The following ZNF827 variants were observed in gnomAD, a reference collection of about 807,000 sequenced individuals.
ZNF827 encodes the protein zinc finger protein 827.
A neutral mutation model predicts 102.4 loss-of-function variants in ZNF827; 13 were observed. That is an observed-to-expected ratio of 0.13 (90% CI 0.08 to 0.20). The LOEUF (loss-of-function observed/expected upper bound fraction) is 0.20. Ranked by LOEUF, ZNF827 falls within the 10% of genes least tolerant of loss-of-function variation. The pLI, the probability that ZNF827 is intolerant of heterozygous loss-of-function variation, is 1.00. For missense variants in ZNF827, 1,103 were observed against 1,344.4 expected (o/e 0.82, Z 2.81); for synonymous variants, 523 against 536.2 (o/e 0.98, Z 0.34).
chr4:145,886,202 T>C (rs369133162), intron 3 of ZNF827, 44 bp from the exon 4 acceptor site: 42 of 1,540,206 alleles, frequency 2.7e-5, no homozygotes, highest in East Asian at 1.6e-4. Flanking sequence ...CGTGCATTTA[T>C]GGAAAATGCC....
intron 1 of ZNF827, among the ~76,000 whole-genome samples, chr4:145,922,191 T>C (rs1006369689): frequency 6.6e-6 from 1 of 152,210 alleles, no homozygotes; most frequent in African/African-American, 2.4e-5. Context: ...AAGACGCACA[T>C]GCACCAAGAT....
chr4:145,780,008 T>C (rs918325228), intron 8 of ZNF827, among the ~76,000 whole-genome samples: 7 of 152,140 alleles, frequency 4.6e-5, no homozygotes. Flanking sequence ...CTGGCCAACA[T>C]GGTGAAACCT....
chr4:145,875,875 A>C (rs570323136), intron 4 of ZNF827, among the ~76,000 whole-genome samples: 4 of 152,340 alleles, frequency 2.6e-5, no homozygotes, highest in African/African-American at 7.2e-5. Flanking sequence ...GGGTTCCAAC[A>C]AATGTTTGTT....
At chr4:145,903,302 T>C in intron 1 of ZNF827, 87 bp from the exon 2 acceptor site, 1 of 1,482,572 alleles carries the variant, frequency 6.7e-7, no homozygotes, top group South Asian at 1.4e-5. Flanking sequence ...ATGACATGCT[T>C]TCTCTTCCCT....
chr4:145,819,101 G>GT (rs1742887454), intron 8 of ZNF827, among the ~76,000 whole-genome samples: 1 of 150,758 alleles, frequency 6.6e-6, no homozygotes, highest in African/African-American at 2.4e-5. Flanking sequence ...AACCAACAAC[G>GT]TGAGTTTTTT....
chr4:145,792,594 T>TCACA (rs1018267415), intron 8 of ZNF827, among the ~76,000 whole-genome samples: 1 of 152,058 alleles, frequency 6.6e-6, no homozygotes, highest in Non-Finnish European at 1.5e-5. Flanking sequence ...AGTGGCATGG[T>TCACA]CACAGCTAAC....
chr4:145,764,811 G>C, intron 13 of ZNF827, 177 bp downstream of exon 13: 1 of 780,750 alleles, frequency 1.3e-6, no homozygotes, highest in Non-Finnish European at 2.1e-6. Flanking sequence ...TGACACCCTA[G>C]GGGGACAGGT....
chr4:145,850,940 G>C (rs1746467792), intron 5 of ZNF827, among the ~76,000 whole-genome samples: 1 of 152,158 alleles, frequency 6.6e-6, no homozygotes, highest in African/African-American at 2.4e-5. Context: ...ATCTCAAGAA[G>C]AAATCATCCT....
intron 1 of ZNF827, among the ~76,000 whole-genome samples, chr4:145,909,947 T>TA (rs1243323108): frequency 2.0e-5 from 3 of 152,104 alleles, no homozygotes; most frequent in Non-Finnish European, 4.4e-5. Flanking sequence ...AGATTACAGT[T>TA]ATCGAAACAC....
At chr4:145,783,213 T>C (rs1373695065) in intron 8 of ZNF827, among the ~76,000 whole-genome samples, 2 of 152,188 alleles carry the variant, frequency 1.3e-5, no homozygotes, top group Non-Finnish European at 2.9e-5. Context: ...ATTAGCACAA[T>C]CTCTGCTACA....
At chr4:145,772,114 TAAGGTTCAAGC>T (rs1280428649) in intron 11 of ZNF827, among the ~76,000 whole-genome samples, 2 of 152,220 alleles carry the variant, frequency 1.3e-5, no homozygotes, top group Admixed American at 1.3e-4. Flanking sequence ...ACTAGGACTC[TAAGGTTCAAGC>T]AAGGGCCACA....
chr4:145,765,043 G>C lies in ZNF827; in HGVS notation c.3175C>G (p.Pro1059Ala). The change falls in exon 13 of 15, where the codon CCC becomes GCC. Residue 1059 changes from proline (P) to alanine (A), a missense_variant. Pro to Ala is a conservative substitution (Grantham distance 27, BLOSUM62 -1). Coordinates refer to ENST00000508784, the MANE Select transcript of ZNF827 (RefSeq NM_001306215.2). This position sits in a 1 kb window ranked among gnomAD's most constrained non-coding sequence, Gnocchi z 4.7. ...TTCTTATGCTCCAGCAGCTGTTCGG[G>C]GGTCTTCATGAACTTGTGGCACACA... is the stretch of plus-strand genomic sequence containing the variant. ...CDVCHKFMKTPEQLLEHKKCH... is the reference protein window; with the variant it reads ...CDVCHKFMKTAEQLLEHKKCH... 6.2e-7 allele frequency: 1 copy of C among 1,614,200 alleles called. No homozygotes were observed. The highest frequency in any genetic ancestry group is 1.7e-5 in the Admixed American group (1 of 60,024).
intron 5 of ZNF827, among the ~76,000 whole-genome samples, chr4:145,860,189 T>G (rs1429890448): frequency 6.6e-6 from 1 of 152,240 alleles, no homozygotes; most frequent in Non-Finnish European, 1.5e-5. Context: ...CCCACTCATA[T>G]AATCAGGTCC....
chr4:145,836,666 C>T (rs1263303551), intron 7 of ZNF827, among the ~76,000 whole-genome samples: 2 of 151,920 alleles, frequency 1.3e-5, no homozygotes, highest in Admixed American at 1.3e-4. Context: ...ATCCACCTGA[C>T]ATTCACCCCA....
intron 8 of ZNF827, among the ~76,000 whole-genome samples, chr4:145,796,396 A>G (rs570977311): frequency 6.6e-6 from 1 of 152,290 alleles, no homozygotes; most frequent in African/African-American, 2.4e-5. Context: ...AGGTTAGCGG[A>G]GCAAGGAGCA....
intron 9 of ZNF827, among the ~76,000 whole-genome samples, chr4:145,777,635 C>G (rs369015230): frequency 1.3e-4 from 20 of 152,248 alleles, no homozygotes; most frequent in Middle Eastern, 6.8e-3. Context: ...TTTCCTTTTT[C>G]ATTCCTAACT....
chr4:145,770,980 C>G (rs1467046084), intron 11 of ZNF827: 1 of 152,226 alleles, frequency 6.6e-6, no homozygotes, highest in African/African-American at 2.4e-5. Flanking sequence ...GTTCTCCTAA[C>G]TTAACAGGTG....
At position 145,902,834 on chromosome 4, in the gene ZNF827, C is replaced by T; in HGVS notation, c.425G>A (p.Gly142Asp). 1 of 1,614,108 alleles carries T rather than the reference C, an allele frequency of 6.2e-7. No homozygotes were observed. The highest frequency in any genetic ancestry group is 8.5e-7 in the Non-Finnish European group (1 of 1,180,000). ...LKLDAAATAN[G>D]RVESPVNVGS... is the part of the protein sequence containing the mutation. ...AACGTTTACGGGGGACTCCACTCTG[C>T]CATTAGCCGTGGCTGCAGCATCGAG... Residue 142 changes from glycine (G) to aspartate (D), a missense_variant, in exon 2 of 15, where the codon GGC becomes GAC. Coordinates refer to ENST00000508784, the MANE Select transcript of ZNF827 (RefSeq NM_001306215.2). This position sits in a 1 kb window ranked among gnomAD's most constrained non-coding sequence, Gnocchi z 4.3.
chr4:145,798,988 A>G (rs1374745702), intron 8 of ZNF827, among the ~76,000 whole-genome samples: 6 of 152,248 alleles, frequency 3.9e-5, no homozygotes, highest in Non-Finnish European at 5.9e-5. Flanking sequence ...AATGTTATCT[A>G]AAGTTGACAA....
Sources: gnomAD v4.1 joint callset for allele counts (sites outside exome capture counted in the v4.1 genomes callset) on GRCh38, gnomAD v4.1.1 for gene constraint, Gnocchi (gnomAD v3.1) non-coding constraint, MANE v1.5 for transcripts, NCBI Gene and HGNC (gene_info 2026-07-23, HGNC 2026-07-21) for gene names.